Variants in SP4 observed in about 807,000 individuals in gnomAD.
The protein encoded by SP4 is Sp4 transcription factor.
A neutral mutation model predicts 72.8 loss-of-function variants in SP4; 19 were observed. That is an observed-to-expected ratio of 0.26 (90% CI 0.18 to 0.38). The LOEUF (loss-of-function observed/expected upper bound fraction) is 0.38, where lower values mean the gene tolerates loss of function less well. Ranked by LOEUF, SP4 falls within the 10% of genes least tolerant of loss-of-function variation. SP4 has a pLI of 1.00. For synonymous variants in SP4, 395 were observed against 333.1 expected (o/e 1.19, Z -2.02); for missense variants, 1,008 against 926.3 (o/e 1.09, Z -1.14).
intron 5 of SP4, among the ~76,000 whole-genome samples, chr7:21,495,990 G>C (rs975774860): frequency 7.2e-5 from 11 of 152,142 alleles, no homozygotes; most frequent in Non-Finnish European, 1.5e-4. Flanking sequence ...AAAGATTTCA[G>C]AATCAAAAGA....
intron 3 of SP4, among the ~76,000 whole-genome samples, chr7:21,437,933 A>G (rs903587916): frequency 2.6e-5 from 4 of 152,160 alleles, no homozygotes; most frequent in Non-Finnish European, 4.4e-5. Flanking sequence ...TACTAGCAAT[A>G]ATCAAAGAAC....
chr7:21,498,730 A>G (rs980348238), intron 5 of SP4, among the ~76,000 whole-genome samples: 5 of 152,214 alleles, frequency 3.3e-5, no homozygotes, highest in African/African-American at 1.2e-4. Flanking sequence ...ATCATAGTCA[A>G]TTAACACGTA....
chr7:21,499,931 G>C (rs965833924), intron 5 of SP4, among the ~76,000 whole-genome samples: 3 of 152,146 alleles, frequency 2.0e-5, no homozygotes, highest in Non-Finnish European at 4.4e-5. Flanking sequence ...AAGCTTAAAA[G>C]ATCTGGTTTA....
chr7:21,429,767 C>G lies in SP4; in HGVS notation c.602C>G (p.Ala201Gly). The change falls in exon 3 of 6, where the codon GCA (alanine) becomes GGA (glycine). Residue 201 changes from alanine (A) to glycine (G), a missense_variant. Ala to Gly is a moderately conservative substitution (Grantham distance 60, BLOSUM62 0). Around this residue, in one of 3 missense-constraint regions of SP4, gnomAD observed 893 missense variants for 743.3 expected, o/e 1.20. Transcript: ENST00000222584. ...DLQGQIQLIS[A>G]GNNQAILTAA... Reference sequence around the variant, plus strand: ...CAGGGTCAAATTCAGCTCATTTCTGCAGGTAATAATCAAGCTATACTCACA... The same window carrying G: ...CAGGGTCAAATTCAGCTCATTTCTGGAGGTAATAATCAAGCTATACTCACA... 1 of 1,614,064 alleles carries G rather than the reference C, an allele frequency of 6.2e-7. No individual in the cohort carries two copies. The highest frequency in any genetic ancestry group is 8.5e-7 in the Non-Finnish European group (1 of 1,179,930).
At chr7:21,434,736 A>AT (rs979272381) in intron 3 of SP4, among the ~76,000 whole-genome samples, 21 of 151,478 alleles carry the variant, frequency 1.4e-4, no homozygotes, top group African/African-American at 5.1e-4. Flanking sequence ...CCCAACAGGT[A>AT]TTTTTTTCCA....
chr7:21,433,950 A>T (rs962280465), intron 3 of SP4, among the ~76,000 whole-genome samples: 1 of 152,178 alleles, frequency 6.6e-6, no homozygotes, highest in Non-Finnish European at 1.5e-5. Flanking sequence ...TCTCAAAAAA[A>T]AAAGAAAGAA....
chr7:21,467,394 C>G (rs1201892087), intron 3 of SP4, among the ~76,000 whole-genome samples: 1 of 152,016 alleles, frequency 6.6e-6, no homozygotes, highest in African/African-American at 2.4e-5. Context: ...ACAACAACTT[C>G]AAGTGTATAT....
chr7:21,477,465 T>C (rs75003098), intron 4 of SP4, among the ~76,000 whole-genome samples, 158 bp downstream of exon 4: 4,243 of 152,334 alleles, frequency 0.028, 76 homozygotes, highest in African/African-American at 0.051. Context: ...TGGGCTATTT[T>C]AGGAATGAAA....
chr7:21,448,055 G>T (rs192504509), intron 3 of SP4, among the ~76,000 whole-genome samples: 2 of 152,184 alleles, frequency 1.3e-5, no homozygotes, highest in East Asian at 3.9e-4. Context: ...ATGACCCCCC[G>T]TGAAGAATTT....
At chr7:21,494,521 G>A (rs1785058608) in intron 5 of SP4, among the ~76,000 whole-genome samples, 1 of 152,142 alleles carries the variant, frequency 6.6e-6, no homozygotes, top group Non-Finnish European at 1.5e-5. Context: ...TAAAAAGAGT[G>A]CCATTTGTAA....
chr7:21,455,204 G>C (rs1215425225), intron 3 of SP4, among the ~76,000 whole-genome samples: 5 of 152,132 alleles, frequency 3.3e-5, no homozygotes, highest in African/African-American at 1.2e-4. Flanking sequence ...GCTGTGCAGG[G>C]ATTTTTCCCT....
intron 3 of SP4, among the ~76,000 whole-genome samples, chr7:21,445,326 T>A (rs1562591588): frequency 6.6e-6 from 1 of 152,152 alleles, no homozygotes. Flanking sequence ...GATAGGAATT[T>A]ATGCCCATTT....
At chr7:21,451,296 G>C (rs566394588) in intron 3 of SP4, among the ~76,000 whole-genome samples, 1 of 152,320 alleles carries the variant, frequency 6.6e-6, no homozygotes, top group East Asian at 1.9e-4. Context: ...TAGCTACTGA[G>C]AGACTGCCTT....
chr7:21,445,982 ATGTGTATGTGTGTGTGTG>A (rs1402670750), intron 3 of SP4, among the ~76,000 whole-genome samples: 26 of 100,928 alleles, frequency 2.6e-4, no homozygotes, highest in African/African-American at 1.1e-3. Flanking sequence ...TGTGTATCTT[ATGTGTATGTGTGTGTGTG>A]TGTGTGTGTG....
At chr7:21,437,829 G>T (rs764171054) in intron 3 of SP4, among the ~76,000 whole-genome samples, 36 of 152,112 alleles carry the variant, frequency 2.4e-4, no homozygotes, top group Non-Finnish European at 3.8e-4. Flanking sequence ...AATATTGTGC[G>T]CAGTACCGGG....
intron 3 of SP4, among the ~76,000 whole-genome samples, chr7:21,459,132 T>TTGTTA (rs1783872946): frequency 6.6e-6 from 1 of 152,026 alleles, no homozygotes; most frequent in South Asian, 2.1e-4. Context: ...TTGTTTTGTT[T>TTGTTA]TGTTTTGAGT....
intron 5 of SP4, among the ~76,000 whole-genome samples, chr7:21,490,088 A>G (rs1326485029): frequency 6.6e-6 from 1 of 152,250 alleles, no homozygotes; most frequent in Non-Finnish European, 1.5e-5. Flanking sequence ...AACTCTGGAC[A>G]AGTTTACTTA....
intron 3 of SP4, among the ~76,000 whole-genome samples, chr7:21,434,986 C>T (rs1783000436): frequency 6.6e-6 from 1 of 152,134 alleles, no homozygotes; most frequent in Admixed American, 6.5e-5. Flanking sequence ...TTCACAATGT[C>T]TTCTACTAGT....
chr7:21,472,841 T>C (rs547667258), intron 3 of SP4, among the ~76,000 whole-genome samples: 1 of 150,328 alleles, frequency 6.7e-6, no homozygotes, highest in Non-Finnish European at 1.5e-5. Flanking sequence ...GTTTCTGAAA[T>C]GTAGGAAGTT....
Sources: gnomAD v4.1 joint callset for allele counts (sites outside exome capture counted in the v4.1 genomes callset) on GRCh38, gnomAD v4.1.1 for gene constraint, gnomAD v4.1.1 regional missense constraint, MANE v1.5 for transcripts, NCBI Gene and HGNC (gene_info 2026-07-23, HGNC 2026-07-21) for gene names.